The following AUTS2 variants were observed in gnomAD, a reference collection of about 807,000 sequenced individuals.
The protein encoded by AUTS2 is autism susceptibility gene 2 protein.
A neutral mutation model predicts 112.4 loss-of-function variants in AUTS2; 17 were observed. The observed-to-expected ratio is 0.15, with a 90% CI of 0.10 to 0.23. AUTS2 has a LOEUF of 0.23. Among genes scored for constraint, AUTS2 ranks in the 10% least tolerant of loss-of-function variants. AUTS2 has a pLI of 1.00. For synonymous variants in AUTS2, 751 were observed against 702.7 expected (o/e 1.07, Z -1.09); for missense variants, 1,510 against 1,701.6 (o/e 0.89, Z 1.98).
rs1805086646 is a variant in AUTS2, at chr7:70,111,485, T to C, written c.523-6647T>C. ...ATTAATTTTAGTAAACTTAAAGAGTTATGCAATCATCACCATACAACATTG... is the reference window on the plus strand; with the variant it reads ...ATTAATTTTAGTAAACTTAAAGAGTCATGCAATCATCACCATACAACATTG... On this transcript the variant is annotated intron_variant, in intron 2 of 18. Transcript: ENST00000342771. Among the ~76,000 whole-genome samples the C allele has an allele frequency of 2.0e-5, 3 of 152,210 alleles. 1 individual carries two copies. The South Asian group carries it at 6.2e-4, about 32-fold the overall frequency.
At chr7:69,876,464 A>G (rs1458572104) in intron 1 of AUTS2, among the ~76,000 whole-genome samples, 2 of 123,248 alleles carry the variant, frequency 1.6e-5, no homozygotes, top group Non-Finnish European at 3.3e-5. Context: ...TACATTATAT[A>G]TATACATAAA....
In AUTS2 at chr7:70,726,854, C is replaced by T. The variant is rs550054666; in HGVS notation, c.742+28234C>T. ...TGAGAGGCAGGTGTAAAGGATAACACACGGGATTATCTTATTTTAAAGCAT... is the reference window on the plus strand; with the variant it reads ...TGAGAGGCAGGTGTAAAGGATAACATACGGGATTATCTTATTTTAAAGCAT... On this transcript the variant is annotated intron_variant, in intron 6 of 18. Transcript: ENST00000342771. Among the ~76,000 whole-genome samples, 3 of 152,306 alleles carry T rather than the reference C, an allele frequency of 2.0e-5. No individual in the cohort carries two copies. In the South Asian group the frequency reaches 6.2e-4, roughly 32 times the overall value.
intron 2 of AUTS2, among the ~76,000 whole-genome samples, chr7:69,909,258 C>CA (rs1795263507): frequency 6.6e-6 from 1 of 152,024 alleles, no homozygotes; most frequent in Non-Finnish European, 1.5e-5. Flanking sequence ...CATTATATAA[C>CA]AAAAAATGAT....
chr7:69,910,747 C>T (rs1795319903), intron 2 of AUTS2, among the ~76,000 whole-genome samples: 3 of 152,152 alleles, frequency 2.0e-5, no homozygotes, highest in Admixed American at 1.3e-4. Flanking sequence ...CCTGCCTCAG[C>T]CTACCAAGTA....
chr7:70,764,318 A>G (rs1048008229), intron 7 of AUTS2, among the ~76,000 whole-genome samples: 2 of 152,128 alleles, frequency 1.3e-5, no homozygotes, highest in African/African-American at 4.8e-5. Context: ...GTGTGTCTTC[A>G]TTTAAGAGGT....
chr7:70,502,720 A>G (rs1798815409), intron 5 of AUTS2, among the ~76,000 whole-genome samples: 1 of 152,240 alleles, frequency 6.6e-6, no homozygotes, highest in Non-Finnish European at 1.5e-5. Context: ...AGAAGCACTC[A>G]TTAACTTCCT....
At chr7:70,714,451 A>G (rs546308665) in intron 6 of AUTS2, among the ~76,000 whole-genome samples, 21 of 152,236 alleles carry the variant, frequency 1.4e-4, no homozygotes, top group Non-Finnish European at 2.8e-4. Context: ...TGTTGTTATC[A>G]CACTAACTAA....
At chr7:70,333,056 T>C (rs1314238843) in intron 4 of AUTS2, among the ~76,000 whole-genome samples, 1 of 152,146 alleles carries the variant, frequency 6.6e-6, no homozygotes, top group Non-Finnish European at 1.5e-5. Context: ...ATTTTTGCAA[T>C]CTATCCATCT....
chr7:70,635,062 G>C (rs1010459590), intron 5 of AUTS2, among the ~76,000 whole-genome samples: 2 of 152,144 alleles, frequency 1.3e-5, no homozygotes, highest in Non-Finnish European at 2.9e-5. Flanking sequence ...CTCTGAGAGT[G>C]GGATTCCAAG....
intron 2 of AUTS2, among the ~76,000 whole-genome samples, chr7:69,950,138 G>A (rs1796966759): frequency 6.6e-6 from 1 of 152,018 alleles, no homozygotes; most frequent in Non-Finnish European, 1.5e-5. Context: ...AAAATTGCCA[G>A]TTATATTGCC....
intron 4 of AUTS2, among the ~76,000 whole-genome samples, chr7:70,147,745 A>C (rs911604103): frequency 2.6e-5 from 4 of 152,086 alleles, no homozygotes; most frequent in Non-Finnish European, 4.4e-5. Flanking sequence ...CTCCTATTGC[A>C]CTTTTAAAAG....
At chr7:69,733,369 A>G (rs1038875098) in intron 1 of AUTS2, among the ~76,000 whole-genome samples, 2 of 152,110 alleles carry the variant, frequency 1.3e-5, no homozygotes, top group African/African-American at 4.8e-5. Flanking sequence ...TTGCATTAGA[A>G]CTTAGTGTCT....
chr7:70,170,595 C>CTTTTT lies in AUTS2; in HGVS notation c.660+36038_660+36042dup, dbSNP rs398005103. ...ATGGGATATACTAGGGACACGTTAT[C>CTTTTT]TTTTTTTTTTTTTTTTTTGAGATGA... On this transcript the variant is annotated intron_variant, in intron 4 of 18. Transcript: ENST00000342771. Among the ~76,000 whole-genome samples the CTTTTT allele has an allele frequency of 5.5e-5, 7 of 127,012 alleles. No individual in the cohort carries two copies. The East Asian group carries it at 9.2e-4, about 17-fold the overall frequency. The allele number at this position is 127,012 out of a possible 152,430, so 83.3% of individuals were successfully genotyped here.
chr7:70,064,501 A>C (rs865927744), intron 2 of AUTS2, among the ~76,000 whole-genome samples: 1 of 152,192 alleles, frequency 6.6e-6, no homozygotes, highest in Non-Finnish European at 1.5e-5. Flanking sequence ...TACCACTTCC[A>C]AAACTGCTGT....
intron 6 of AUTS2, among the ~76,000 whole-genome samples, chr7:70,754,171 A>G (rs1789041642): frequency 6.7e-6 from 1 of 149,344 alleles, no homozygotes; most frequent in Non-Finnish European, 1.5e-5. Flanking sequence ...AAAATAGAAT[A>G]AAATAAAATA....
intron 1 of AUTS2, among the ~76,000 whole-genome samples, chr7:69,702,054 T>A (rs932390383): frequency 6.6e-5 from 10 of 152,192 alleles, no homozygotes; most frequent in Non-Finnish European, 2.9e-5. Flanking sequence ...TCCTCTTTAT[T>A]TGACTAATGA....
At chr7:70,749,849 A>G (rs1313030742) in intron 6 of AUTS2, among the ~76,000 whole-genome samples, 1 of 152,248 alleles carries the variant, frequency 6.6e-6, no homozygotes, top group East Asian at 1.9e-4. Context: ...ACTGTTGCCT[A>G]TGGGACAAGA....
At chr7:70,600,668 G>T (rs1803430944) in intron 5 of AUTS2, among the ~76,000 whole-genome samples, 1 of 152,146 alleles carries the variant, frequency 6.6e-6, no homozygotes, top group Admixed American at 6.5e-5. Flanking sequence ...CCCCAAAAGA[G>T]ATCCCACACC....
chr7:69,645,506 T>C (rs1386756761), intron 1 of AUTS2, among the ~76,000 whole-genome samples: 1 of 152,220 alleles, frequency 6.6e-6, no homozygotes, highest in African/African-American at 2.4e-5. Context: ...TCATAAATCT[T>C]ACCTTTTGTA....
Sources: gnomAD v4.1 joint callset for allele counts (sites outside exome capture counted in the v4.1 genomes callset) on GRCh38, gnomAD v4.1.1 for gene constraint, MANE v1.5 for transcripts, NCBI Gene and HGNC (gene_info 2026-07-23, HGNC 2026-07-21) for gene names.